The following PCNX1 variants were observed in gnomAD, a reference collection of about 807,000 sequenced individuals.
PCNX1 encodes the protein pecanex 1.
Under a neutral mutation model 242.2 loss-of-function variants are expected in PCNX1, and 78 were observed. The observed-to-expected ratio is 0.32, with a 90% CI of 0.27 to 0.39. PCNX1 has a LOEUF of 0.39. Ranked by LOEUF, PCNX1 falls within the 10% of genes least tolerant of loss-of-function variation. PCNX1 has a pLI of 1.00. For missense variants in PCNX1, 2,581 were observed against 2,856.5 expected (o/e 0.90, Z 2.20); for synonymous variants, 1,024 against 1,032.9 (o/e 0.99, Z 0.17).
rs557631911 is a variant in PCNX1, at chr14:71,041,802, A to G, written c.3868-3331A>G. On this transcript the variant is annotated intron_variant, in intron 19 of 35. Coordinates refer to ENST00000304743, the MANE Select transcript of PCNX1 (RefSeq NM_014982.3). ...TTGCTACTATACTATACTATACTAT[A>G]CTATACTATACTATACTATACTATA... is the stretch of plus-strand genomic sequence containing the variant. 9.0e-3 allele frequency among the ~76,000 whole-genome samples: 1,362 copies of G among 151,862 alleles called. 10 individuals carry two copies. The highest frequency in any genetic ancestry group is 0.012 in the Non-Finnish European group (843 of 67,926).
At chr14:71,036,247 C>T (rs1002768396) in intron 19 of PCNX1, 90 bp downstream of exon 19, 2 of 813,060 alleles carry the variant, frequency 2.5e-6, no homozygotes, top group African/African-American at 1.7e-5. Flanking sequence ...GTTGCGATCA[C>T]AGTTCATTCT....
chr14:70,974,412 C>T (rs1359588068), intron 5 of PCNX1, among the ~76,000 whole-genome samples: 2 of 151,836 alleles, frequency 1.3e-5, no homozygotes, highest in South Asian at 2.1e-4. Flanking sequence ...GGATTACAGG[C>T]GTGAGCCACT....
At chr14:71,010,257 A>G (rs1332429743) in intron 9 of PCNX1, among the ~76,000 whole-genome samples, 1 of 152,046 alleles carries the variant, frequency 6.6e-6, no homozygotes, top group East Asian at 1.9e-4. Context: ...ATTTAATTGT[A>G]TTTCATTTTC....
intron 13 of PCNX1, among the ~76,000 whole-genome samples, chr14:71,025,389 C>T (rs1376918273): frequency 1.3e-5 from 2 of 151,820 alleles, no homozygotes; most frequent in Non-Finnish European, 2.9e-5. Context: ...TTATACTTTC[C>T]CTGTTGTAGC....
At chr14:71,084,007 A>T (rs2061921529) in intron 28 of PCNX1, among the ~76,000 whole-genome samples, 1 of 152,030 alleles carries the variant, frequency 6.6e-6, no homozygotes, top group African/African-American at 2.4e-5. Context: ...TTGGTCTTTG[A>T]TGCTGGTGAC....
chr14:71,099,181 C>T (rs749394660), intron 30 of PCNX1, among the ~76,000 whole-genome samples: 4 of 132,682 alleles, frequency 3.0e-5, no homozygotes, highest in African/African-American at 1.1e-4. Flanking sequence ...TTTTTTGAGA[C>T]GGAGTCTCAC....
At chr14:71,045,330 C>A in intron 20 of PCNX1, 47 bp downstream of exon 20, 2 of 1,353,102 alleles carry the variant, frequency 1.5e-6, no homozygotes, top group Non-Finnish European at 2.1e-6. Flanking sequence ...ATGAGTTTTT[C>A]CCTTTGCTAT....
intron 33 of PCNX1, 82 bp from the exon 34 acceptor site, chr14:71,108,522 A>G (rs1377541068): frequency 7.1e-6 from 8 of 1,121,314 alleles, no homozygotes; most frequent in Non-Finnish European, 1.3e-6. Context: ...TGCTTAGGGG[A>G]AAAAGTCTTA....
At chr14:70,957,770 G>A (rs1566620933) in intron 2 of PCNX1, among the ~76,000 whole-genome samples, 2 of 152,104 alleles carry the variant, frequency 1.3e-5, no homozygotes, top group Non-Finnish European at 2.9e-5. Flanking sequence ...TGTACGATAT[G>A]TGAATCATAT....
chr14:70,971,115 G>GTTTTTTT lies in PCNX1; in HGVS notation c.604+2039_604+2045dup, dbSNP rs1046870052. ...AATCTATGCTATACTACTTTATATA[G>GTTTTTTT]TTTTTTTTTTTTTTTTTTTTTTTTT... On this transcript the variant is annotated intron_variant, in intron 5 of 35. Coordinates refer to ENST00000304743, the MANE Select transcript of PCNX1 (RefSeq NM_014982.3). Among the ~76,000 whole-genome samples, 16 of 14,518 alleles carry GTTTTTTT rather than the reference G, an allele frequency of 1.1e-3. 7 individuals are homozygous for GTTTTTTT. The highest frequency in any genetic ancestry group is 4.5e-3 in the East Asian group (2 of 448). The allele number at this position is 14,518 out of a possible 152,430, so 9.5% of individuals were successfully genotyped here.
At position 71,059,744 on chromosome 14, in the gene PCNX1, T is replaced by C. The variant is rs1284144383; in HGVS notation, c.4852+2020T>C. Among the ~76,000 whole-genome samples the C allele has an allele frequency of 3.9e-5, 6 of 152,250 alleles. No individual in the cohort carries two copies. The East Asian group carries it at 1.2e-3, about 29-fold the overall frequency. ...CATGGCATTCGCACGCTTACAATTTTTCAGTGACTTCTCATTGCATTTAAC... is the reference window on the plus strand; with the variant it reads ...CATGGCATTCGCACGCTTACAATTTCTCAGTGACTTCTCATTGCATTTAAC... On this transcript the variant is annotated intron_variant, in intron 26 of 35. Transcript: ENST00000304743.
At chr14:70,980,228 T>C (rs2058798534) in intron 6 of PCNX1, among the ~76,000 whole-genome samples, 1 of 152,072 alleles carries the variant, frequency 6.6e-6, no homozygotes, top group African/African-American at 2.4e-5. Context: ...CATTTCCTTT[T>C]CATGGGGACT....
chr14:70,940,623 A>G (rs1166582722), intron 1 of PCNX1, among the ~76,000 whole-genome samples: 1 of 151,940 alleles, frequency 6.6e-6, no homozygotes. Flanking sequence ...GCTCTTCTTG[A>G]GGAGTATCTT....
intron 24 of PCNX1, among the ~76,000 whole-genome samples, chr14:71,055,242 C>T (rs1322182220): frequency 6.6e-6 from 1 of 152,016 alleles, no homozygotes; most frequent in Non-Finnish European, 1.5e-5. Context: ...TCTCACAGTG[C>T]ATGCCTAGAT....
chr14:70,986,700 C>G (rs555333431), intron 6 of PCNX1, among the ~76,000 whole-genome samples: 14 of 152,228 alleles, frequency 9.2e-5, no homozygotes, highest in Non-Finnish European at 1.9e-4. Flanking sequence ...AAATTATCTT[C>G]TATAAATTAT....
intron 33 of PCNX1, among the ~76,000 whole-genome samples, chr14:71,105,874 A>G (rs1217470822): frequency 6.7e-6 from 1 of 148,874 alleles, no homozygotes. Context: ...CAAGTTGTAC[A>G]TTATTCCATT....
chr14:70,916,287 A>C (rs2056149358), intron 1 of PCNX1, among the ~76,000 whole-genome samples: 1 of 152,200 alleles, frequency 6.6e-6, no homozygotes, highest in African/African-American at 2.4e-5. Context: ...CTTGCAAGTT[A>C]TCAGCATGTA....
At chr14:70,950,806 A>AT (rs1002511111) in intron 2 of PCNX1, among the ~76,000 whole-genome samples, 140 of 150,244 alleles carry the variant, frequency 9.3e-4, no homozygotes, top group African/African-American at 2.6e-3. Flanking sequence ...CTATTGGTGG[A>AT]TTTTTTTTTG....
intron 12 of PCNX1, among the ~76,000 whole-genome samples, chr14:71,019,728 G>C (rs2060048793): frequency 6.6e-6 from 1 of 151,910 alleles, no homozygotes; most frequent in East Asian, 1.9e-4. Context: ...GTTAAAATAA[G>C]AACTTGCATT....
Sources: allele counts gnomAD v4.1 joint callset (sites outside exome capture counted in the v4.1 genomes callset), GRCh38; gene constraint gnomAD v4.1.1; transcripts MANE v1.5; gene names NCBI Gene and HGNC (gene_info 2026-07-23, HGNC 2026-07-21).